The following FHIT variants were observed in gnomAD, a reference collection of about 807,000 sequenced individuals.
FHIT encodes bis(5'-adenosyl)-triphosphatase.
FHIT carries 19 observed loss-of-function variants against 17.9 expected under a neutral mutation model. That is an observed-to-expected ratio of 1.06 (90% CI 0.74 to 1.56). The LOEUF (loss-of-function observed/expected upper bound fraction) is 1.56, where lower values mean the gene tolerates loss of function less well. FHIT is among the 40% of genes most tolerant of loss of function. The pLI, the probability that FHIT is intolerant of heterozygous loss-of-function variation, is 0.00. For missense variants in FHIT, 248 were observed against 189.2 expected (o/e 1.31, Z -1.82); for synonymous variants, 81 against 69.7 (o/e 1.16, Z -0.81).
At chr3:60,652,544 T>C (rs1190014755) in intron 4 of FHIT, among the ~76,000 whole-genome samples, 1 of 152,006 alleles carries the variant, frequency 6.6e-6, no homozygotes, top group Non-Finnish European at 1.5e-5. Flanking sequence ...CCATCCTGGC[T>C]AATATGGTGA....
chr3:59,978,620 C>G (rs750421810), intron 7 of FHIT, among the ~76,000 whole-genome samples: 2 of 151,154 alleles, frequency 1.3e-5, no homozygotes. Context: ...TTAGAAACAA[C>G]GGGGCTTTGG....
At chr3:60,292,896 T>C (rs1204980655) in intron 5 of FHIT, among the ~76,000 whole-genome samples, 1 of 152,188 alleles carries the variant, frequency 6.6e-6, no homozygotes, top group Non-Finnish European at 1.5e-5. Context: ...TTAAAAAACA[T>C]TCACCAAACT....
intron 5 of FHIT, among the ~76,000 whole-genome samples, chr3:60,213,620 G>A (rs907617234): frequency 6.6e-6 from 1 of 152,058 alleles, no homozygotes; most frequent in Non-Finnish European, 1.5e-5. Context: ...CAAGGGCATG[G>A]CCTCTCAAAT....
chr3:60,580,529 T>C (rs2037717640), intron 4 of FHIT, among the ~76,000 whole-genome samples: 1 of 150,740 alleles, frequency 6.6e-6, no homozygotes. Context: ...ATTTTATCTG[T>C]ATGGTTAATA....
chr3:60,558,799 TCA>T (rs1369338072), intron 4 of FHIT, among the ~76,000 whole-genome samples: 1 of 152,152 alleles, frequency 6.6e-6, no homozygotes, highest in Non-Finnish European at 1.5e-5. Flanking sequence ...CCATTACCAA[TCA>T]ATCAGAGTTG....
At chr3:60,511,876 T>C (rs181241981) in intron 5 of FHIT, among the ~76,000 whole-genome samples, 8 of 152,196 alleles carry the variant, frequency 5.3e-5, no homozygotes, top group Admixed American at 5.2e-4. Flanking sequence ...TGCTGTCAAA[T>C]TGGGCAAATT....
At chr3:59,874,215 G>T (rs1235303470) in intron 8 of FHIT, among the ~76,000 whole-genome samples, 1 of 152,122 alleles carries the variant, frequency 6.6e-6, no homozygotes, top group African/African-American at 2.4e-5. Flanking sequence ...GAAGTTCAAA[G>T]CTCTCAAGTC....
At chr3:61,139,013 T>G (rs545722102) in intron 2 of FHIT, among the ~76,000 whole-genome samples, 2 of 150,882 alleles carry the variant, frequency 1.3e-5, no homozygotes, top group East Asian at 4.0e-4. Flanking sequence ...AAGCCCCGTA[T>G]GCAACTCTAT....
At chr3:59,992,518 A>G (rs545909472) in intron 7 of FHIT, among the ~76,000 whole-genome samples, 24 of 152,192 alleles carry the variant, frequency 1.6e-4, no homozygotes, top group African/African-American at 5.5e-4. Flanking sequence ...ATTTTCAGAA[A>G]CCTGCTACAA....
In FHIT at chr3:60,890,038, C is replaced by T. The variant is rs782330647; in HGVS notation, c.-110-68027G>A. On this transcript the variant is annotated intron_variant, in intron 3 of 9. Coordinates refer to ENST00000492590, the MANE Select transcript of FHIT (RefSeq NM_002012.4). ...ACATCCAAATAAAACTGTGTCAACA[C>T]ATGCTTAATACATCAGTAAAACTAT... Among the ~76,000 whole-genome samples, 15 of 152,228 alleles carry T rather than the reference C, an allele frequency of 9.9e-5. No individual in the cohort carries two copies. The South Asian group carries it at 1.2e-3, about 13-fold the overall frequency.
At chr3:60,989,218 C>CG (rs1559890909) in intron 3 of FHIT, among the ~76,000 whole-genome samples, 1 of 152,148 alleles carries the variant, frequency 6.6e-6, no homozygotes, top group Non-Finnish European at 1.5e-5. Flanking sequence ...GGAGTGATCA[C>CG]GGTTCACTGC....
intron 3 of FHIT, among the ~76,000 whole-genome samples, chr3:60,891,661 T>C (rs1705522328): frequency 6.6e-6 from 1 of 152,170 alleles, no homozygotes; most frequent in African/African-American, 2.4e-5. Flanking sequence ...TTGAGTTGTA[T>C]TTGCTATCTC....
chr3:60,692,136 G>A (rs908986609), intron 4 of FHIT, among the ~76,000 whole-genome samples: 11 of 152,150 alleles, frequency 7.2e-5, no homozygotes, highest in African/African-American at 2.7e-4. Flanking sequence ...GATTGGCATA[G>A]ACTCATCTTG....
At chr3:61,191,496 T>TA (rs1299453151) in intron 2 of FHIT, among the ~76,000 whole-genome samples, 1 of 152,132 alleles carries the variant, frequency 6.6e-6, no homozygotes, top group Non-Finnish European at 1.5e-5. Context: ...CAGAATCACA[T>TA]AAGCCAATAC....
intron 5 of FHIT, among the ~76,000 whole-genome samples, chr3:60,364,152 G>A (rs1418718624): frequency 6.6e-6 from 1 of 152,160 alleles, no homozygotes; most frequent in African/African-American, 2.4e-5. Flanking sequence ...TTGGAACTCT[G>A]ATACAGCCTT....
At chr3:60,587,383 G>C (rs1387725060) in intron 4 of FHIT, among the ~76,000 whole-genome samples, 2 of 152,010 alleles carry the variant, frequency 1.3e-5, no homozygotes, top group South Asian at 4.2e-4. Flanking sequence ...GAGAGCATTA[G>C]GACAAATAGC....
chr3:60,714,068 C>T (rs1422038244), intron 4 of FHIT, among the ~76,000 whole-genome samples: 1 of 152,166 alleles, frequency 6.6e-6, no homozygotes, highest in Admixed American at 6.5e-5. Flanking sequence ...AGCAGCACAA[C>T]AAAAAGCTTA....
At chr3:60,315,073 G>C (rs1405402767) in intron 5 of FHIT, among the ~76,000 whole-genome samples, 2 of 152,102 alleles carry the variant, frequency 1.3e-5, no homozygotes, top group Non-Finnish European at 2.9e-5. Context: ...CATATTATGA[G>C]GAAGCCCAAG....
intron 4 of FHIT, among the ~76,000 whole-genome samples, chr3:60,768,568 A>G (rs1484930528): frequency 6.6e-6 from 1 of 152,262 alleles, no homozygotes; most frequent in African/African-American, 2.4e-5. Flanking sequence ...TGCTAGAAAC[A>G]TCAATAAGGA....
Sources: gnomAD v4.1 joint callset for allele counts (sites outside exome capture counted in the v4.1 genomes callset) on GRCh38, gnomAD v4.1.1 for gene constraint, MANE v1.5 for transcripts, NCBI Gene and HGNC (gene_info 2026-07-23, HGNC 2026-07-21) for gene names.